Variants in IRF2 observed in about 807,000 individuals in gnomAD.
IRF2 encodes the protein interferon regulatory factor 2.
Under a neutral mutation model 40.6 loss-of-function variants are expected in IRF2, and 15 were observed. The ratio of observed to expected loss-of-function variants is 0.37; its 90% CI spans 0.25 to 0.57. The LOEUF (loss-of-function observed/expected upper bound fraction) is 0.57. Among genes scored for constraint, IRF2 ranks in the 20% least tolerant of loss-of-function variants. IRF2 has a pLI of 0.77. For missense variants in IRF2, 317 were observed against 455.7 expected, an observed-to-expected ratio of 0.70 and a Z score of 2.77; for synonymous variants, 151 against 165.5, an observed-to-expected ratio of 0.91 and a Z score of 0.67.
At chr4:184,405,610 A>G (rs1474658980) in intron 6 of IRF2, among the ~76,000 whole-genome samples, 2 of 152,196 alleles carry the variant, frequency 1.3e-5, no homozygotes, top group African/African-American at 4.8e-5. Context: ...TGACACTGGC[A>G]TTCTTTATTT....
At chr4:184,407,559 T>C (rs1736903892) in intron 6 of IRF2, among the ~76,000 whole-genome samples, 1 of 152,238 alleles carries the variant, frequency 6.6e-6, no homozygotes, top group Non-Finnish European at 1.5e-5. Flanking sequence ...TCGCCTTTCT[T>C]TTCTTTTGCA....
In IRF2 at chr4:184,449,939, G is replaced by A. The variant is rs545523422; in HGVS notation, c.-6-20869C>T. Among the ~76,000 whole-genome samples, 54 of 152,310 alleles carry A rather than the reference G, an allele frequency of 3.5e-4. 1 individual carries two copies. Among genetic ancestry groups the A allele is most frequent in the African/African-American group, 1.2e-3 (50 of 41,564 alleles). On this transcript the variant is annotated intron_variant, in intron 1 of 8. Transcript: ENST00000393593. ...CCTGAAACAGATATAAAGAGCGACT[G>A]TTCCTGGAAACACCAGGATGTGAGA...
At chr4:184,420,532 C>T (rs1325828610) in intron 2 of IRF2, among the ~76,000 whole-genome samples, 1 of 152,236 alleles carries the variant, frequency 6.6e-6, no homozygotes, top group South Asian at 2.1e-4. Context: ...ATCCTTATAT[C>T]AGACTATCTC....
chr4:184,399,054 G>T lies in IRF2; in HGVS notation c.555C>A (p.Ser185Arg). The change falls in exon 7 of 9, where the codon AGC becomes AGA. Residue 185 changes from serine to arginine, a missense_variant. This residue lies in a region of IRF2 where 262 missense variants were observed against 334.0 expected (regional missense o/e 0.78). Coordinates refer to ENST00000393593, the MANE Select transcript of IRF2 (RefSeq NM_002199.4). ...IIVVGQSHLD[S>R]NIENQEIVTN... ...TGACAATCTCTTGATTCTCAATGTT[G>T]CTGTCCAGATGGGACTGTCCTACAA... is the stretch of plus-strand genomic sequence containing the variant. The T allele has an allele frequency of 6.2e-7, 1 of 1,610,540 alleles. No homozygotes were observed.
At chr4:184,452,829 A>T (rs2149913723) in intron 1 of IRF2, among the ~76,000 whole-genome samples, 1 of 151,438 alleles carries the variant, frequency 6.6e-6, no homozygotes, top group African/African-American at 2.4e-5. Flanking sequence ...GAGAGAGAAG[A>T]AAAAAGCAAA....
chr4:184,392,612 A>C (rs959876636), intron 7 of IRF2, among the ~76,000 whole-genome samples: 1 of 152,184 alleles, frequency 6.6e-6, no homozygotes, highest in Non-Finnish European at 1.5e-5. Flanking sequence ...CAGAGCTGGG[A>C]TGAGATGGCT....
rs569604165 is a variant in IRF2 at position 184,435,430 on chromosome 4, G to T, written c.-6-6360C>A. Among the ~76,000 whole-genome samples the T allele has an allele frequency of 2.0e-5, 3 of 152,202 alleles. No homozygotes were observed. The South Asian group carries it at 6.2e-4, about 31-fold the overall frequency. On this transcript the variant is annotated intron_variant, in intron 1 of 8. Transcript: ENST00000393593. ...AGGTAATAAATTCCTTAGCTGAGAG[G>T]GGGGTGGTGCTTCTGGTAATGGTAC...
intron 1 of IRF2, among the ~76,000 whole-genome samples, chr4:184,461,311 A>G (rs1193634293): frequency 6.6e-6 from 1 of 152,066 alleles, no homozygotes; most frequent in East Asian, 1.9e-4. Flanking sequence ...AGTCTGTTTT[A>G]AAAAAAATAA....
chr4:184,464,138 C>G (rs1177165202), intron 1 of IRF2, among the ~76,000 whole-genome samples: 1 of 151,672 alleles, frequency 6.6e-6, no homozygotes, highest in Non-Finnish European at 1.5e-5. Context: ...AGACAGCGAC[C>G]ATTTAGGACA....
chr4:184,409,515 T>C (rs17624154), intron 5 of IRF2, among the ~76,000 whole-genome samples: 18,173 of 152,186 alleles, frequency 0.12, 1,398 homozygotes, highest in East Asian at 0.27. Flanking sequence ...AGGCCCAGAA[T>C]ATCCATCCCT....
chr4:184,451,312 G>A (rs1291861072), intron 1 of IRF2, among the ~76,000 whole-genome samples: 1 of 152,200 alleles, frequency 6.6e-6, no homozygotes, highest in Non-Finnish European at 1.5e-5. Context: ...ATATATACAT[G>A]CAAAAGTCCA....
At chr4:184,451,410 C>G (rs1188897635) in intron 1 of IRF2, among the ~76,000 whole-genome samples, 1 of 152,184 alleles carries the variant, frequency 6.6e-6, no homozygotes, top group Non-Finnish European at 1.5e-5. Flanking sequence ...TCACTGGGCA[C>G]CCATGATGCA....
At chr4:184,452,657 G>T (rs924443927) in intron 1 of IRF2, among the ~76,000 whole-genome samples, 47 of 151,342 alleles carry the variant, frequency 3.1e-4, no homozygotes, top group African/African-American at 1.1e-3. Context: ...TGTAATCCCA[G>T]CACTTTGGGA....
At chr4:184,402,263 G>A (rs1287815040) in intron 6 of IRF2, among the ~76,000 whole-genome samples, 2 of 152,264 alleles carry the variant, frequency 1.3e-5, no homozygotes, top group African/African-American at 2.4e-5. Context: ...GGAATCAAAG[G>A]CTTCAATGAG....
intron 1 of IRF2, among the ~76,000 whole-genome samples, chr4:184,440,098 A>C (rs1433493697): frequency 2.0e-5 from 3 of 152,236 alleles, no homozygotes; most frequent in Admixed American, 2.0e-4. Flanking sequence ...CGAATGGGAA[A>C]GCAGCTAGAC....
At chr4:184,467,237 C>A (rs1739358511) in intron 1 of IRF2, among the ~76,000 whole-genome samples, 2 of 152,228 alleles carry the variant, frequency 1.3e-5, no homozygotes, top group South Asian at 4.1e-4. Context: ...TCACCTCACC[C>A]CTCCGATCTC....
intron 1 of IRF2, among the ~76,000 whole-genome samples, chr4:184,464,261 G>C (rs886476554): frequency 6.6e-6 from 1 of 151,642 alleles, no homozygotes. Flanking sequence ...ATGAAGATAG[G>C]GAATGTATAG....
intron 6 of IRF2, among the ~76,000 whole-genome samples, chr4:184,405,329 ACGTGTTGGG>A (rs1736816066): frequency 6.6e-6 from 1 of 152,142 alleles, no homozygotes; most frequent in African/African-American, 2.4e-5. Flanking sequence ...TGTGGATGAG[ACGTGTTGGG>A]CTGGAGCTAT....
rs184045419 is a variant in IRF2 at position 184,413,097 on chromosome 4, A to G, written c.412-4822T>C. ...TCCTCTTTAGGCCGCTCTTATCTGC[A>G]TCCTCCGTACCCTCTTCCACTTTCT... On this transcript the variant is annotated intron_variant, in intron 5 of 8. Transcript: ENST00000393593. The surrounding 1 kb of genome is among the most constrained non-coding windows in gnomAD (Gnocchi z 4.2). Among the ~76,000 whole-genome samples, 595 of 152,312 alleles carry G rather than the reference A, an allele frequency of 3.9e-3. 1 individual carries two copies. Among genetic ancestry groups the G allele is most frequent in the Non-Finnish European group, 7.0e-3 (477 of 68,024 alleles).
Sources: gnomAD v4.1 joint callset for allele counts (sites outside exome capture counted in the v4.1 genomes callset) on GRCh38, gnomAD v4.1.1 for gene constraint, gnomAD v4.1.1 regional missense constraint, Gnocchi (gnomAD v3.1) non-coding constraint, MANE v1.5 for transcripts, NCBI Gene and HGNC (gene_info 2026-07-23, HGNC 2026-07-21) for gene names.